TMEM50B: variants seen among roughly 807,000 people sequenced by gnomAD.
The protein encoded by TMEM50B is transmembrane protein 50B, also known as HCV p7-trans-regulated protein 3.
In TMEM50B, 14 loss-of-function variants were observed where a neutral mutation model predicts 23.4. That is an observed-to-expected ratio of 0.60 (90% confidence interval 0.39 to 0.93). The LOEUF (loss-of-function observed/expected upper bound fraction) is 0.93, where lower values mean the gene tolerates loss of function less well. TMEM50B is among the 40% of genes least tolerant of loss of function. The pLI is 0.00. For missense variants in TMEM50B, 159 were observed against 193.0 expected, an observed-to-expected ratio of 0.82 and a Z score of 1.04; for synonymous variants, 64 against 62.3, an observed-to-expected ratio of 1.03 and a Z score of -0.13.
chr21:33,472,796 T>C (rs1196401550), intron 1 of TMEM50B, among the ~76,000 whole-genome samples: 1 of 150,070 alleles, frequency 6.7e-6, no homozygotes, highest in Non-Finnish European at 1.5e-5. Flanking sequence ...CACTTGAACC[T>C]GGGAGGCGGA....
downstream of TMEM50B, among the ~76,000 whole-genome samples, chr21:33,445,201 T>G (rs1473328841): frequency 6.6e-6 from 1 of 151,908 alleles, no homozygotes; most frequent in Non-Finnish European, 1.5e-5. Context: ...GTCAACATGC[T>G]CCCCAAATCA....
At chr21:33,467,913 T>C (rs941216718) in intron 2 of TMEM50B, among the ~76,000 whole-genome samples, 6 of 152,160 alleles carry the variant, frequency 3.9e-5, no homozygotes, top group Non-Finnish European at 5.9e-5. Context: ...GAGCCAGGAA[T>C]GGTAGTATGA....
chr21:33,476,488 G>A (rs950473196), intron 1 of TMEM50B, among the ~76,000 whole-genome samples: 1 of 152,048 alleles, frequency 6.6e-6, no homozygotes, highest in African/African-American at 2.4e-5. Flanking sequence ...AACATCAGGC[G>A]TGGTGGCTCA....
intron 5 of TMEM50B, chr21:33,456,054 G>A (rs1359536300): frequency 1.5e-6 from 1 of 652,048 alleles, no homozygotes; most frequent in South Asian, 1.5e-5. Flanking sequence ...CATCAAAACT[G>A]CTGAGGAAGC....
At chr21:33,456,150 G>C (rs1319572901) in intron 5 of TMEM50B, 1 of 480,434 alleles carries the variant, frequency 2.1e-6, no homozygotes, top group Non-Finnish European at 4.2e-6. Context: ...CTTTTAAACA[G>C]TCTGTTAATT....
rs1189633517 is a variant in TMEM50B, at chr21:33,437,093, A to G, written c.*2120+2121T>C. ...CTCTAAAAGGCCTGTCCCTGCAGAC[A>G]TGAGAGACAGCAGGTCTCATGGGGG... On this transcript the variant is annotated intron_variant and NMD_transcript_variant, in intron 8 of 8. Transcript: ENST00000420455. The G allele has an allele frequency of 2.0e-5, 17 of 835,366 alleles. No homozygotes were observed. In the Admixed American group the frequency reaches 3.4e-4, roughly 17 times the overall value. The allele number at this position is 835,366 out of a possible 1,614,324, so 51.7% of individuals were successfully genotyped here.
At position 33,449,630 on chromosome 21, in the gene TMEM50B, G is replaced by A. The variant is rs994524772; in HGVS notation, c.*1188C>T. 4.6e-5 allele frequency: 7 copies of A among 152,278 alleles called. No homozygotes were observed. In the East Asian group the frequency reaches 5.8e-4, roughly 13 times the overall value. The allele number at this position is 152,278 out of a possible 1,614,324, so 9.4% of individuals were successfully genotyped here. ...TCACCCAAAGCTTGAGAGCTAGAGCGAGGAGAGACTTGCAGTCGGTAACTG... is the reference window on the plus strand; with the variant it reads ...TCACCCAAAGCTTGAGAGCTAGAGCAAGGAGAGACTTGCAGTCGGTAACTG... On this transcript the variant is annotated 3_prime_UTR_variant, in exon 7 of 7. Coordinates refer to ENST00000542230, the MANE Select transcript of TMEM50B (RefSeq NM_006134.7).
chr21:33,446,723 T>C (rs2084063118), downstream of TMEM50B, among the ~76,000 whole-genome samples: 1 of 149,738 alleles, frequency 6.7e-6, no homozygotes, highest in Non-Finnish European at 1.5e-5. Context: ...AAAAGGTGTT[T>C]TGGAGCCTAG....
chr21:33,464,310 G>A (rs2084244291), intron 4 of TMEM50B, among the ~76,000 whole-genome samples: 1 of 150,188 alleles, frequency 6.7e-6, no homozygotes, highest in African/African-American at 2.4e-5. Context: ...CGATTCTCTT[G>A]CCTCAGCCTC....
downstream of TMEM50B, among the ~76,000 whole-genome samples, chr21:33,444,736 C>T (rs115715145): frequency 0.022 from 2,860 of 127,924 alleles, 100 homozygotes; most frequent in African/African-American, 0.083. Context: ...TCGAAGTGTG[C>T]AATGTTCATG....
intron 1 of TMEM50B, among the ~76,000 whole-genome samples, chr21:33,473,303 A>G (rs1440073855): frequency 6.6e-6 from 1 of 151,776 alleles, no homozygotes; most frequent in Non-Finnish European, 1.5e-5. Context: ...AAATACAAAA[A>G]TTATCTGGGC....
intron 6 of TMEM50B, among the ~76,000 whole-genome samples, chr21:33,453,699 A>G (rs2084143261): frequency 6.6e-6 from 1 of 152,166 alleles, no homozygotes; most frequent in South Asian, 2.1e-4. Context: ...CAGTGACAAA[A>G]GCAAAGTTTT....
At chr21:33,442,369 A>C (rs576594226) in intron 7 of TMEM50B, among the ~76,000 whole-genome samples, 1 of 152,126 alleles carries the variant, frequency 6.6e-6, no homozygotes, top group Non-Finnish European at 1.5e-5. Context: ...GGGTATGGAA[A>C]CTGGTCAGAG....
At chr21:33,455,611 G>T in intron 6 of TMEM50B, 116 bp downstream of exon 6, 6 of 890,886 alleles carry the variant, frequency 6.7e-6, no homozygotes, top group South Asian at 3.0e-5. Flanking sequence ...TTTAAAAGAA[G>T]TTCTATCATT....
chr21:33,464,818 A>C (rs1334668344), intron 4 of TMEM50B, among the ~76,000 whole-genome samples: 2 of 150,864 alleles, frequency 1.3e-5, no homozygotes, highest in Non-Finnish European at 3.0e-5. Flanking sequence ...AAAAAAAAAA[A>C]AAAAAACAAA....
intron 8 of TMEM50B, among the ~76,000 whole-genome samples, chr21:33,438,655 G>A (rs986595405): frequency 6.6e-6 from 1 of 152,004 alleles, no homozygotes; most frequent in Admixed American, 6.5e-5. Flanking sequence ...AAAATTAGCT[G>A]AGTGTGGTGG....
chr21:33,433,371 G>A (rs2123372161), intron 8 of TMEM50B, among the ~76,000 whole-genome samples: 1 of 152,332 alleles, frequency 6.6e-6, no homozygotes, highest in South Asian at 2.1e-4. Flanking sequence ...CGGTGTCGTT[G>A]AAGGATTAAT....
At chr21:33,441,298 C>A (rs147345350) in intron 7 of TMEM50B, among the ~76,000 whole-genome samples, 1 of 151,934 alleles carries the variant, frequency 6.6e-6, no homozygotes, top group Non-Finnish European at 1.5e-5. Context: ...GCCACTATGT[C>A]TTTGAAGTGC....
At chr21:33,469,060 T>A in intron 1 of TMEM50B, 134 bp from the exon 2 acceptor site, 1 of 604,434 alleles carries the variant, frequency 1.7e-6, no homozygotes, top group Non-Finnish European at 2.9e-6. Flanking sequence ...AAAAATTCAA[T>A]ACTTCAACAA....
Sources: gnomAD v4.1 joint callset for allele counts (sites outside exome capture counted in the v4.1 genomes callset) on GRCh38, gnomAD v4.1.1 for gene constraint, MANE v1.5 for transcripts, NCBI Gene and HGNC (gene_info 2026-07-23, HGNC 2026-07-21) for gene names.